DCP2: variants seen among roughly 807,000 people sequenced by gnomAD.
The protein encoded by DCP2 is decapping mRNA 2.
Under a neutral mutation model 56.1 loss-of-function variants are expected in DCP2, and 30 were observed. The observed-to-expected ratio is 0.53, with a 90% CI of 0.40 to 0.73. The LOEUF is 0.73. DCP2 is among the 30% of genes least tolerant of loss of function. DCP2 has a pLI of 0.00. For missense variants in DCP2, 533 were observed against 502.7 expected (o/e 1.06, Z -0.58); for synonymous variants, 197 against 163.3 (o/e 1.21, Z -1.57).
At chr5:113,002,162 C>T (rs186059474) in intron 7 of DCP2, among the ~76,000 whole-genome samples, 206 of 152,252 alleles carry the variant, frequency 1.4e-3, no homozygotes, top group Non-Finnish European at 2.5e-3. Flanking sequence ...GTGGCTCACG[C>T]CTGTAATTCC....
chr5:113,018,846 C>T lies in DCP2; in HGVS notation c.*5362C>T, dbSNP rs1749996499. 1.3e-5 allele frequency: 2 copies of T among 152,240 alleles called. No individual in the cohort carries two copies. The highest frequency in any genetic ancestry group is 4.2e-4 in the South Asian group (2 of 4,814). 9.4% of individuals were successfully genotyped at this position (152,240 alleles called of 1,614,324 possible). A position where few individuals can be genotyped will look rare whatever the true frequency, so the allele number is the denominator to read the frequency against. ...GTTTCACATCTTTATAGCAAACCTGCCACAGACTTGCAAGCAGTGATTTTA... is the reference window on the plus strand; with the variant it reads ...GTTTCACATCTTTATAGCAAACCTGTCACAGACTTGCAAGCAGTGATTTTA... On this transcript the variant is annotated 3_prime_UTR_variant, in exon 11 of 11. Transcript: ENST00000389063.
In DCP2 at chr5:112,976,898, A is replaced by G. The variant is rs775112494; in HGVS notation, c.-36A>G. ...GTACCGTCAGTCCCCGGCCGCGCGGAGCCGGGATGCACTGTTCCTGCTGTG... is the reference window on the plus strand; with the variant it reads ...GTACCGTCAGTCCCCGGCCGCGCGGGGCCGGGATGCACTGTTCCTGCTGTG... On this transcript the variant is annotated 5_prime_UTR_variant, in exon 1 of 11. Coordinates refer to ENST00000389063, the MANE Select transcript of DCP2 (RefSeq NM_152624.6). 3 of 1,609,778 alleles carry G rather than the reference A, an allele frequency of 1.9e-6. No homozygotes were observed. The highest frequency in any genetic ancestry group is 2.2e-5 in the South Asian group (2 of 90,980).
In DCP2 at chr5:113,019,971, CTTT is replaced by C. The variant is rs1750038094; in HGVS notation, c.*6490_*6492del. ...TGGATGGGAAAGTGGTAAGACTTGA[CTTT>C]TTAATACTGTGCCTATTTCCAAAAG... On this transcript the variant is annotated 3_prime_UTR_variant, in exon 11 of 11. Coordinates refer to ENST00000389063, the MANE Select transcript of DCP2 (RefSeq NM_152624.6). 6.6e-6 allele frequency: 1 copy of C among 152,016 alleles called. No homozygotes were observed. The highest frequency in any genetic ancestry group is 1.9e-4 in the East Asian group (1 of 5,188). The allele number at this position is 152,016 out of a possible 1,614,324, so 9.4% of individuals were successfully genotyped here.
chr5:113,006,898 C>T (rs1443292637), intron 8 of DCP2, among the ~76,000 whole-genome samples: 4 of 152,130 alleles, frequency 2.6e-5, no homozygotes, highest in South Asian at 4.2e-4. Context: ...TTCGGGAGGC[C>T]AAGGTGGGTG....
At chr5:113,004,163 A>C (rs890373963) in intron 8 of DCP2, 86 bp downstream of exon 8, 1 of 1,446,598 alleles carries the variant, frequency 6.9e-7, no homozygotes. Context: ...ACATCTTAAT[A>C]GTTACAGAGA....
chr5:112,994,729 G>C (rs139325744), intron 4 of DCP2, among the ~76,000 whole-genome samples: 88 of 152,306 alleles, frequency 5.8e-4, no homozygotes, highest in African/African-American at 2.0e-3. Context: ...TGGCCTAGGA[G>C]TTGAAAGATT....
At chr5:113,012,219 C>T (rs1052386303) in intron 10 of DCP2, among the ~76,000 whole-genome samples, 1 of 152,116 alleles carries the variant, frequency 6.6e-6, no homozygotes, top group Non-Finnish European at 1.5e-5. Flanking sequence ...AATGAGCCAG[C>T]TGTGGTGGCA....
rs1159429845 is a variant in DCP2, at chr5:113,018,318, A to T, written c.*4834A>T. 1 of 152,222 alleles carries T rather than the reference A, an allele frequency of 6.6e-6. No homozygotes were observed. Among genetic ancestry groups the T allele is most frequent in the Non-Finnish European group, 1.5e-5 (1 of 68,034 alleles). 9.4% of individuals were successfully genotyped at this position (152,222 alleles called of 1,614,324 possible). ...GGTCTTGAGAATTGTTCATAATGAA[A>T]TCTTTAATCTGGGTTATCAGAGTAA... On this transcript the variant is annotated 3_prime_UTR_variant, in exon 11 of 11. Coordinates refer to ENST00000389063, the MANE Select transcript of DCP2 (RefSeq NM_152624.6).
Position 113,017,458 on chromosome 5 carries a change from T to G in DCP2, c.*3974T>G, listed in dbSNP as rs1580845740. On this transcript the variant is annotated 3_prime_UTR_variant, in exon 11 of 11. Coordinates refer to ENST00000389063, the MANE Select transcript of DCP2 (RefSeq NM_152624.6). The stretch of plus-strand genomic sequence containing the variant: ...ATGTCCTAAGACTTGAAAGTGCATT[T>G]GTCTAGTTGCCAAAAGTTCTAAAAA... 6.6e-6 allele frequency: 1 copy of G among 152,212 alleles called. No individual in the cohort carries two copies. The highest frequency in any genetic ancestry group is 1.9e-4 in the East Asian group (1 of 5,196). The allele number at this position is 152,212 out of a possible 1,614,324, so 9.4% of individuals were successfully genotyped here. A position where few individuals can be genotyped will look rare whatever the true frequency, so the allele number is the denominator to read the frequency against.
At chr5:112,998,305 T>C (rs951508817) in intron 4 of DCP2, among the ~76,000 whole-genome samples, 1 of 152,240 alleles carries the variant, frequency 6.6e-6, no homozygotes, top group African/African-American at 2.4e-5. Flanking sequence ...AGGCCTTTTT[T>C]CTTCTTGTTG....
rs1198836874 is a variant in DCP2, at chr5:113,015,475, G to A, written c.*1991G>A. The A allele has an allele frequency of 6.6e-6, 1 of 152,380 alleles. No individual in the cohort carries two copies. Among genetic ancestry groups the A allele is most frequent in the African/African-American group, 2.4e-5 (1 of 41,364 alleles). The allele number at this position is 152,380 out of a possible 1,614,324, so 9.4% of individuals were successfully genotyped here. A position where few individuals can be genotyped will look rare whatever the true frequency, so the allele number is the denominator to read the frequency against. On this transcript the variant is annotated 3_prime_UTR_variant, in exon 11 of 11. Transcript: ENST00000389063. ...AGAGATTATAGTTACCAGAAGTATG[G>A]CCTCTAATGGTGTTGAGCCTTTTCA... is the stretch of plus-strand genomic sequence containing the variant.
At chr5:112,998,467 T>G (rs1400249369) in intron 4 of DCP2, among the ~76,000 whole-genome samples, 1 of 152,192 alleles carries the variant, frequency 6.6e-6, no homozygotes, top group African/African-American at 2.4e-5. Context: ...TCATAATACT[T>G]ATATCATATT....
At chr5:112,986,099 G>A (rs1748271334) in intron 2 of DCP2, 113 bp downstream of exon 2, 3 of 1,081,512 alleles carry the variant, frequency 2.8e-6, no homozygotes, top group African/African-American at 3.1e-5. Context: ...AAACATACTT[G>A]ATTGCTAAAA....
Position 112,977,001 on chromosome 5 carries a change from G to GC in DCP2, c.53+15_53+16insC. On this transcript the variant is annotated intron_variant, in intron 1 of 10. Coordinates refer to ENST00000389063, the MANE Select transcript of DCP2 (RefSeq NM_152624.6). ...GATCTCTGCAGGTACCGCGCTACCC[G>GC]ACCCCCTTTCGCCCCCGTCGGGTTT... 1 of 1,520,690 alleles carries GC rather than the reference G, an allele frequency of 6.6e-7. No individual in the cohort carries two copies. 94.2% of individuals were successfully genotyped at this position (1,520,690 alleles called of 1,614,324 possible). A position where few individuals can be genotyped will look rare whatever the true frequency, so the allele number is the denominator to read the frequency against.
At chr5:112,998,755 T>G (rs1378885616) in intron 4 of DCP2, among the ~76,000 whole-genome samples, 4 of 152,204 alleles carry the variant, frequency 2.6e-5, no homozygotes. Context: ...GTGCAGAGTT[T>G]TTTATTATTG....
intron 2 of DCP2, among the ~76,000 whole-genome samples, chr5:112,990,005 T>G (rs929690623): frequency 1.3e-5 from 2 of 152,168 alleles, no homozygotes; most frequent in Non-Finnish European, 2.9e-5. Flanking sequence ...AGGATCCCAG[T>G]TTCTTCCTGA....
intron 1 of DCP2, among the ~76,000 whole-genome samples, chr5:112,982,054 C>T (rs967663396): frequency 6.6e-6 from 1 of 152,212 alleles, no homozygotes; most frequent in African/African-American, 2.4e-5. Context: ...AGGCGGGAGC[C>T]ACCATGCCAG....
intron 4 of DCP2, among the ~76,000 whole-genome samples, chr5:112,994,578 A>G (rs920790088): frequency 1.4e-4 from 21 of 152,178 alleles, no homozygotes; most frequent in African/African-American, 5.1e-4. Context: ...ACTGTTCACT[A>G]TTATATAATA....
intron 2 of DCP2, among the ~76,000 whole-genome samples, chr5:112,988,586 A>G (rs1748422972): frequency 6.6e-6 from 1 of 151,860 alleles, no homozygotes; most frequent in Non-Finnish European, 1.5e-5. Flanking sequence ...TCCCTGAGCC[A>G]TAGTAGTGGG....
Sources: allele counts gnomAD v4.1 joint callset (sites outside exome capture counted in the v4.1 genomes callset), GRCh38; gene constraint gnomAD v4.1.1; transcripts MANE v1.5; gene names NCBI Gene and HGNC (gene_info 2026-07-23, HGNC 2026-07-21).